Variants in NTM observed in about 807,000 individuals in gnomAD.
NTM encodes the protein neurotrimin.
Under a neutral mutation model 42.1 loss-of-function variants are expected in NTM, and 13 were observed. The ratio of observed to expected loss-of-function variants is 0.31; its 90% CI spans 0.20 to 0.49. NTM has a LOEUF of 0.49. Among genes scored for constraint, NTM ranks in the 20% least tolerant of loss-of-function variants. The pLI is 0.99. For missense variants in NTM, 373 were observed against 452.8 expected (o/e 0.82, Z 1.60); for synonymous variants, 187 against 179.2 (o/e 1.04, Z -0.35).
At chr11:132,082,769 C>T (rs1318018006) in intron 2 of NTM, among the ~76,000 whole-genome samples, 1 of 152,148 alleles carries the variant, frequency 6.6e-6, no homozygotes, top group East Asian at 1.9e-4. Flanking sequence ...CCTAAGGGTC[C>T]CTGGTAAAAT....
At chr11:131,932,183 A>G (rs1183132921) in intron 2 of NTM, among the ~76,000 whole-genome samples, 1 of 152,222 alleles carries the variant, frequency 6.6e-6, no homozygotes, top group African/African-American at 2.4e-5. Context: ...TCCTCACAGC[A>G]CTTCCCTCCT....
intron 8 of NTM, among the ~76,000 whole-genome samples, chr11:132,334,355 G>A (rs2095850627): frequency 6.6e-6 from 1 of 152,190 alleles, no homozygotes; most frequent in Non-Finnish European, 1.5e-5. Flanking sequence ...CACATGCACA[G>A]GAAGGCTTCC....
intron 8 of NTM, among the ~76,000 whole-genome samples, chr11:132,333,743 G>A (rs989492424): frequency 1.3e-5 from 2 of 152,150 alleles, no homozygotes; most frequent in African/African-American, 4.8e-5. Flanking sequence ...TGAGGTTGAT[G>A]ACCTATTGCA....
intron 2 of NTM, among the ~76,000 whole-genome samples, chr11:132,086,393 A>C (rs2059717178): frequency 6.6e-6 from 1 of 152,192 alleles, no homozygotes; most frequent in African/African-American, 2.4e-5. Context: ...AGGAAAAAAA[A>C]ACTTTTCTCC....
intron 1 of NTM, among the ~76,000 whole-genome samples, chr11:131,736,814 G>A (rs1173458782): frequency 1.3e-5 from 2 of 152,172 alleles, no homozygotes; most frequent in Non-Finnish European, 2.9e-5. Context: ...TGAGGAGAGA[G>A]GTGTCATCCC....
intron 4 of NTM, among the ~76,000 whole-genome samples, chr11:132,275,716 A>ATATATATACGTATATATATGTG (rs1565362779): frequency 5.0e-5 from 6 of 119,634 alleles, no homozygotes; most frequent in African/African-American, 1.9e-4. Context: ...ATATATATGT[A>ATATATATACGTATATATATGTG]TATATATACG....
At chr11:131,934,396 G>A (rs2058987786) in intron 2 of NTM, among the ~76,000 whole-genome samples, 1 of 152,192 alleles carries the variant, frequency 6.6e-6, no homozygotes. Context: ...GAACTACCTT[G>A]TTGGGATGTT....
intron 2 of NTM, among the ~76,000 whole-genome samples, chr11:132,092,959 T>C (rs1224293765): frequency 1.3e-5 from 2 of 152,182 alleles, no homozygotes; most frequent in Non-Finnish European, 2.9e-5. Context: ...CTAACTGGCC[T>C]TCCCACCTCA....
chr11:132,085,716 A>G (rs2059620329), intron 2 of NTM, among the ~76,000 whole-genome samples: 1 of 152,186 alleles, frequency 6.6e-6, no homozygotes, highest in Admixed American at 6.5e-5. Context: ...CACATATATA[A>G]CTACACAGAC....
At position 132,210,503 on chromosome 11, in the gene NTM, G is replaced by A. The variant is rs1218492759; in HGVS notation, c.401-1519G>A. 2.0e-5 allele frequency among the ~76,000 whole-genome samples: 3 copies of A among 152,328 alleles called. No homozygotes were observed. In the East Asian group the frequency reaches 5.8e-4, roughly 29 times the overall value. ...CATCAGAAAGCTCATGGCCTAGTGG[G>A]TGATGCTAAGCACATAACCATAGCA... is the stretch of plus-strand genomic sequence containing the variant. On this transcript the variant is annotated intron_variant, in intron 3 of 8. Transcript: ENST00000683400.
intron 1 of NTM, among the ~76,000 whole-genome samples, chr11:131,626,105 AAATTT>A (rs2063079466): frequency 6.6e-6 from 1 of 152,132 alleles, no homozygotes; most frequent in Non-Finnish European, 1.5e-5. Context: ...TTATTAAAAT[AAATTT>A]AATTTTAAGA....
At chr11:131,622,235 T>G (rs2062652024) in intron 1 of NTM, among the ~76,000 whole-genome samples, 1 of 152,216 alleles carries the variant, frequency 6.6e-6, no homozygotes, top group African/African-American at 2.4e-5. Flanking sequence ...AAATATAATG[T>G]GACCTGACGG....
At chr11:132,252,158 G>A (rs560030442) in intron 4 of NTM, among the ~76,000 whole-genome samples, 2 of 144,130 alleles carry the variant, frequency 1.4e-5, no homozygotes, top group South Asian at 4.6e-4. Context: ...AGTTCTACTT[G>A]GCAGGCCTTC....
intron 1 of NTM, among the ~76,000 whole-genome samples, chr11:131,461,115 GCTACCTTGCT>G (rs1169984381): frequency 6.6e-6 from 1 of 152,186 alleles, no homozygotes; most frequent in African/African-American, 2.4e-5. Flanking sequence ...GGTTGCAAAA[GCTACCTTGCT>G]CTACATCTGA....
chr11:131,908,275 G>GT (rs2054157262), intron 1 of NTM, among the ~76,000 whole-genome samples: 1 of 152,194 alleles, frequency 6.6e-6, no homozygotes, highest in Non-Finnish European at 1.5e-5. Flanking sequence ...TACTAATGAA[G>GT]CAATGGCAGG....
rs186050529 is a variant in NTM at position 132,008,383 on chromosome 11, G to A, written c.167+96735G>A. On this transcript the variant is annotated intron_variant, in intron 2 of 8. Transcript: ENST00000683400. ...AGGATCAAGAGACCATGAATGTCAAGTGCCTAATATAGCTGACCTCAGATA... is the reference window on the plus strand; with the variant it reads ...AGGATCAAGAGACCATGAATGTCAAATGCCTAATATAGCTGACCTCAGATA... Among the ~76,000 whole-genome samples, 281 of 152,254 alleles carry A rather than the reference G, an allele frequency of 1.8e-3. 1 individual carries two copies. The highest frequency in any genetic ancestry group is 2.8e-3 in the Non-Finnish European group (191 of 68,028).
At chr11:131,429,441 C>T (rs1948472644) in intron 1 of NTM, among the ~76,000 whole-genome samples, 1 of 152,142 alleles carries the variant, frequency 6.6e-6, no homozygotes, top group Non-Finnish European at 1.5e-5. Flanking sequence ...AGTGTTTTCA[C>T]AGTCATTTAG....
At chr11:131,667,533 G>A (rs1205011804) in intron 1 of NTM, among the ~76,000 whole-genome samples, 1 of 152,154 alleles carries the variant, frequency 6.6e-6, no homozygotes, top group East Asian at 1.9e-4. Context: ...CATGACAGCA[G>A]GTGATACACC....
At chr11:132,277,823 A>AATAT (rs140195880) in intron 4 of NTM, among the ~76,000 whole-genome samples, 16 of 151,726 alleles carry the variant, frequency 1.1e-4, no homozygotes, top group African/African-American at 2.9e-4. Flanking sequence ...ATCATGCTAA[A>AATAT]ATATATATAT....
Sources: gnomAD v4.1 joint callset for allele counts (sites outside exome capture counted in the v4.1 genomes callset) on GRCh38, gnomAD v4.1.1 for gene constraint, MANE v1.5 for transcripts, NCBI Gene and HGNC (gene_info 2026-07-23, HGNC 2026-07-21) for gene names.